ROBO1: variants seen among roughly 807,000 people sequenced by gnomAD.
The protein encoded by ROBO1 is roundabout guidance receptor 1.
ROBO1 carries 149 observed loss-of-function variants against 195.9 expected under a neutral mutation model. The observed-to-expected ratio is 0.76, with a 90% CI of 0.67 to 0.87. ROBO1 has a LOEUF of 0.87. Among genes scored for constraint, ROBO1 ranks in the 40% least tolerant of loss-of-function variants. ROBO1 has a pLI of 0.00. For synonymous variants in ROBO1, 816 were observed against 733.2 expected (o/e 1.11, Z -1.82); for missense variants, 1,933 against 2,068.3 (o/e 0.93, Z 1.27).
At chr3:79,616,723 GTGGA>G (rs1409070482) in intron 1 of ROBO1, among the ~76,000 whole-genome samples, 1 of 151,786 alleles carries the variant, frequency 6.6e-6, no homozygotes, top group African/African-American at 2.4e-5. Flanking sequence ...ATCCACTGCT[GTGGA>G]TATGGCATGT....
At position 79,700,288 on chromosome 3, in the gene ROBO1, CGTGT is replaced by C. The variant is rs141865243; in HGVS notation, c.-51+67460_-51+67463del. On this transcript the variant is annotated intron_variant, in intron 1 of 30. Coordinates refer to ENST00000464233, the MANE Select transcript of ROBO1 (RefSeq NM_002941.4). Reference sequence around the variant, plus strand: ...ATTGTGCATAGTGCTGTGATGAACACGTGTGTGTGTGTGTTTGTGTGTGTGTGTT... The same window carrying C: ...ATTGTGCATAGTGCTGTGATGAACACGTGTGTGTGTTTGTGTGTGTGTGTT... Among the ~76,000 whole-genome samples, 35 of 147,754 alleles carry C rather than the reference CGTGT, an allele frequency of 2.4e-4. 1 individual carries two copies. In the South Asian group the frequency reaches 7.1e-3, roughly 30 times the overall value.
chr3:79,658,266 A>G (rs952633887), intron 1 of ROBO1, among the ~76,000 whole-genome samples: 15 of 152,096 alleles, frequency 9.9e-5, no homozygotes, highest in African/African-American at 3.6e-4. Context: ...TTGAAGGAAT[A>G]ATTTTTCCTA....
At chr3:79,225,916 G>A (rs2082220051) in intron 2 of ROBO1, among the ~76,000 whole-genome samples, 1 of 151,786 alleles carries the variant, frequency 6.6e-6, no homozygotes, top group Non-Finnish European at 1.5e-5. Context: ...TGTCTTTATT[G>A]AGGGAGAATT....
At chr3:78,970,055 G>C (rs1017654110) in intron 3 of ROBO1, among the ~76,000 whole-genome samples, 27 of 152,020 alleles carry the variant, frequency 1.8e-4, no homozygotes, top group Admixed American at 1.5e-3. Flanking sequence ...TTATATTTTA[G>C]AGCACATTTT....
chr3:79,604,576 C>T (rs1944428390), intron 1 of ROBO1, among the ~76,000 whole-genome samples: 2 of 151,938 alleles, frequency 1.3e-5, no homozygotes, highest in African/African-American at 4.8e-5. Context: ...TGCAAAGTTA[C>T]ATTTCAAATA....
intron 2 of ROBO1, among the ~76,000 whole-genome samples, chr3:79,499,831 T>C (rs1351156425): frequency 2.0e-5 from 3 of 152,108 alleles, no homozygotes; most frequent in Non-Finnish European, 4.4e-5. Context: ...AATTAATTAA[T>C]TGATTGATTT....
chr3:78,970,532 T>C (rs887955015), intron 3 of ROBO1, among the ~76,000 whole-genome samples: 3 of 152,180 alleles, frequency 2.0e-5, no homozygotes, highest in Non-Finnish European at 4.4e-5. Flanking sequence ...ATAATTGTTG[T>C]TTAACTATCA....
chr3:79,721,033 C>T (rs1392734620), intron 1 of ROBO1, among the ~76,000 whole-genome samples: 5 of 152,132 alleles, frequency 3.3e-5, no homozygotes, highest in African/African-American at 1.2e-4. Flanking sequence ...ACCTCGTGAT[C>T]CACCCGCCTT....
chr3:78,659,881 C>T, intron 16 of ROBO1, 74 bp from the exon 17 acceptor site: 1 of 1,210,362 alleles, frequency 8.3e-7, no homozygotes, highest in Non-Finnish European at 1.1e-6. Context: ...TAATATCAAA[C>T]CCAATAATAG....
intron 1 of ROBO1, among the ~76,000 whole-genome samples, chr3:79,618,575 A>C (rs554321263): frequency 2.0e-5 from 3 of 152,084 alleles, no homozygotes; most frequent in African/African-American, 7.2e-5. Flanking sequence ...GTAATTTTCC[A>C]CTACTTACCC....
At chr3:79,756,550 CAAAAA>C (rs147939503) in intron 1 of ROBO1, among the ~76,000 whole-genome samples, 22 of 106,392 alleles carry the variant, frequency 2.1e-4, no homozygotes, top group African/African-American at 5.2e-4. Flanking sequence ...AGCACCATCT[CAAAAA>C]AAAAAAAAAA....
intron 4 of ROBO1, among the ~76,000 whole-genome samples, chr3:78,766,935 T>C (rs1051608455): frequency 6.6e-6 from 1 of 152,204 alleles, no homozygotes; most frequent in Non-Finnish European, 1.5e-5. Flanking sequence ...GGCTTGCATA[T>C]GTTAAGCCAT....
At chr3:79,287,406 C>G (rs1204115108) in intron 2 of ROBO1, among the ~76,000 whole-genome samples, 1 of 152,002 alleles carries the variant, frequency 6.6e-6, no homozygotes, top group Non-Finnish European at 1.5e-5. Context: ...ATATGCAAAC[C>G]CCATAATTCT....
intron 1 of ROBO1, among the ~76,000 whole-genome samples, chr3:79,654,902 C>T (rs912990556): frequency 2.6e-5 from 4 of 151,938 alleles, no homozygotes; most frequent in South Asian, 2.1e-4. Flanking sequence ...GCTACATCAC[C>T]GCCTCTTAGG....
chr3:79,676,506 G>T (rs1946788763), intron 1 of ROBO1, among the ~76,000 whole-genome samples: 1 of 151,984 alleles, frequency 6.6e-6, no homozygotes, highest in South Asian at 2.1e-4. Flanking sequence ...TCGGGTTGTG[G>T]TATAATTTAT....
chr3:79,089,942 T>C (rs1221848992), intron 3 of ROBO1, among the ~76,000 whole-genome samples: 2 of 146,010 alleles, frequency 1.4e-5, no homozygotes, highest in Non-Finnish European at 3.0e-5. Flanking sequence ...ATTCTTTCTT[T>C]TTTTTTTTTT....
intron 3 of ROBO1, among the ~76,000 whole-genome samples, chr3:78,993,695 C>G (rs796424382): frequency 5.9e-5 from 9 of 152,140 alleles, no homozygotes; most frequent in African/African-American, 2.2e-4. Flanking sequence ...ATCCATTGGC[C>G]CAAATGAAAA....
At chr3:79,724,939 CCTTCCTTACCCTT>C (rs1376219799) in intron 1 of ROBO1, among the ~76,000 whole-genome samples, 1 of 152,136 alleles carries the variant, frequency 6.6e-6, no homozygotes, top group Non-Finnish European at 1.5e-5. Flanking sequence ...CTATCAGTGT[CCTTCCTTACCCTT>C]CTTCTTTGAT....
rs139331947 is a variant in ROBO1, at chr3:79,206,399, C to T, written c.89-80860G>A. Among the ~76,000 whole-genome samples the T allele has an allele frequency of 1.6e-3, 244 of 152,024 alleles. 1 individual carries two copies. Among genetic ancestry groups the T allele is most frequent in the African/African-American group, 4.6e-3 (192 of 41,448 alleles). On this transcript the variant is annotated intron_variant, in intron 2 of 30. Coordinates refer to ENST00000464233, the MANE Select transcript of ROBO1 (RefSeq NM_002941.4). ...AGAGCCATACAGTGTTTCTTTGAAGCGAAAAAGTGAAAGTTCTTGACTTAA... is the reference window on the plus strand; with the variant it reads ...AGAGCCATACAGTGTTTCTTTGAAGTGAAAAAGTGAAAGTTCTTGACTTAA...
Sources: gnomAD v4.1 joint callset for allele counts (sites outside exome capture counted in the v4.1 genomes callset) on GRCh38, gnomAD v4.1.1 for gene constraint, MANE v1.5 for transcripts, NCBI Gene and HGNC (gene_info 2026-07-23, HGNC 2026-07-21) for gene names.